Variants in HEPH observed in about 807,000 individuals in gnomAD.
HEPH encodes hephaestin.
A neutral mutation model predicts 80.8 loss-of-function variants in HEPH; 69 were observed. That is an observed-to-expected ratio of 0.85 (90% CI 0.70 to 1.04). The LOEUF is 1.04. HEPH is among the 50% of genes least tolerant of loss of function. The pLI is 0.00. For missense variants in HEPH, 1,115 were observed against 891.3 expected, an observed-to-expected ratio of 1.25 and a Z score of -3.20; for synonymous variants, 431 against 322.8, an observed-to-expected ratio of 1.34 and a Z score of -3.60.
intron 15 of HEPH, among the ~76,000 whole-genome samples, chrX:66,222,124 T>A (rs1352646030): frequency 8.9e-6 from 1 of 112,933 alleles, no homozygotes; most frequent in Non-Finnish European, 1.9e-5. Flanking sequence ...CTCTTGAAAA[T>A]GTTTAAGCTC....
At chrX:66,189,324 G>T (rs1185148127) in intron 5 of HEPH, among the ~76,000 whole-genome samples, 1 of 112,355 alleles carries the variant, frequency 8.9e-6, no homozygotes, top group Non-Finnish European at 1.9e-5. Flanking sequence ...GAAATTTTTA[G>T]AATGAAACCA....
intron 16 of HEPH, 67 bp from the exon 17 acceptor site, chrX:66,256,038 T>C (rs1049894937): frequency 1.8e-5 from 15 of 835,025 alleles, no homozygotes; most frequent in African/African-American, 8.2e-5. Context: ...GCTGGCTCCC[T>C]GCGGAGTACT....
intron 15 of HEPH, among the ~76,000 whole-genome samples, chrX:66,218,560 A>G (rs2089497101): frequency 8.9e-6 from 1 of 112,109 alleles, no homozygotes; most frequent in Non-Finnish European, 1.9e-5. Context: ...ATGTAGCAGG[A>G]CAAGCTACAG....
At chrX:66,177,572 G>A (rs757017123) in intron 4 of HEPH, among the ~76,000 whole-genome samples, 12 of 111,321 alleles carry the variant, frequency 1.1e-4, no homozygotes, top group Admixed American at 3.8e-4. Context: ...ATATCTTAAC[G>A]TTTCATTTCT....
intron 13 of HEPH, among the ~76,000 whole-genome samples, chrX:66,204,501 G>A (rs1429950331): frequency 2.7e-5 from 3 of 112,187 alleles, no homozygotes; most frequent in Non-Finnish European, 5.6e-5. Context: ...GATTTTTGAT[G>A]TTCAGATAGA....
chrX:66,233,619 T>A (rs1466114567), intron 15 of HEPH, among the ~76,000 whole-genome samples: 3 of 110,642 alleles, frequency 2.7e-5, no homozygotes, highest in African/African-American at 9.9e-5. Context: ...CATAAAAAAA[T>A]TTAAGTAACT....
intron 7 of HEPH, among the ~76,000 whole-genome samples, chrX:66,193,061 T>C (rs746321831): frequency 5.9e-4 from 66 of 111,100 alleles, no homozygotes; most frequent in Middle Eastern, 9.3e-3. Context: ...GCATGGATTC[T>C]ACGATTTCCA....
At chrX:66,242,351 A>G (rs1464578649) in intron 15 of HEPH, among the ~76,000 whole-genome samples, 2 of 111,815 alleles carry the variant, frequency 1.8e-5, no homozygotes, top group African/African-American at 6.5e-5. Context: ...TTCTTTAATC[A>G]TATACAAAAA....
rs73217443 is a variant in HEPH, at chrX:66,266,598, C to T, written c.3403C>T (p.Arg1135Ter). ...TGGTGGAGTGGTTTGGTACCAACAT[C>T]GACAGAGAAAGCTACGACGCAATAG... is the stretch of plus-strand genomic sequence containing the variant. The part of the protein sequence containing the change: ...ALGGVVWYQH[R>*]QRKLRRNRRS... The change falls in exon 21 of 21, where the codon CGA becomes TGA. Residue 1135 changes from arginine to a stop codon, truncating the protein, a stop_gained. Coordinates refer to ENST00000343002, the MANE Select transcript of HEPH (RefSeq NM_001367233.3). LOFTEE classifies it high-confidence loss of function. The T allele has an allele frequency of 2.5e-6, 3 of 1,207,756 alleles. No individual in the cohort carries two copies. Among genetic ancestry groups the T allele is most frequent in the African/African-American group, 3.5e-5 (2 of 56,622 alleles).
chrX:66,222,381 A>G (rs1198335774), intron 15 of HEPH, among the ~76,000 whole-genome samples: 1 of 112,504 alleles, frequency 8.9e-6, no homozygotes, highest in Non-Finnish European at 1.9e-5. Flanking sequence ...GAAAGGGGAC[A>G]ATCTGGGCCT....
intron 15 of HEPH, among the ~76,000 whole-genome samples, chrX:66,219,505 G>A (rs1280643859): frequency 4.5e-5 from 5 of 112,030 alleles, no homozygotes; most frequent in African/African-American, 1.6e-4. Context: ...GGCAAGAATA[G>A]TCAAGGCTCT....
chrX:66,236,743 G>T (rs908339297), intron 15 of HEPH, among the ~76,000 whole-genome samples: 20 of 110,978 alleles, frequency 1.8e-4, no homozygotes, highest in Admixed American at 5.8e-4. Flanking sequence ...CTGGTCCTGT[G>T]CTCTTTTTTT....
chrX:66,261,791 A>T (rs1180773711), intron 19 of HEPH, among the ~76,000 whole-genome samples: 2 of 112,066 alleles, frequency 1.8e-5, no homozygotes, highest in Non-Finnish European at 3.8e-5. Flanking sequence ...CTATCAACTA[A>T]TACTGCTAGA....
chrX:66,174,156 G>T (rs1441703323), intron 4 of HEPH, among the ~76,000 whole-genome samples: 2 of 109,055 alleles, frequency 1.8e-5, no homozygotes. Flanking sequence ...TTTATCCCTC[G>T]TGCCCCCCCA....
Position 66,266,878 on chromosome X carries a change from G to A in HEPH, c.*206G>A. 1.2e-5 allele frequency: 5 copies of A among 404,818 alleles called. No homozygotes were observed. The South Asian group carries it at 1.8e-4, about 15-fold the overall frequency. The allele number at this position is 404,818 out of a possible 1,213,427, so 33.4% of individuals were successfully genotyped here. A position where few individuals can be genotyped will look rare whatever the true frequency, so the allele number is the denominator to read the frequency against. ...TTTTTCTTTAGTTTCTTTGCTCTAC[G>A]TGGGCACCTGGCACTAAGGGAGTAC... is the stretch of plus-strand genomic sequence containing the variant. On this transcript the variant is annotated 3_prime_UTR_variant, in exon 21 of 21. Transcript: ENST00000343002.
chrX:66,229,043 A>G (rs952571340), intron 15 of HEPH, among the ~76,000 whole-genome samples: 1 of 112,323 alleles, frequency 8.9e-6, no homozygotes, highest in African/African-American at 3.2e-5. Context: ...CTACCCAGTG[A>G]AAAGAAGTCA....
intron 15 of HEPH, among the ~76,000 whole-genome samples, chrX:66,251,042 T>A (rs1176532821): frequency 9.0e-6 from 1 of 111,418 alleles, no homozygotes; most frequent in African/African-American, 3.3e-5. Context: ...CACCACCACA[T>A]TAAGCTAATT....
chrX:66,254,171 G>T (rs2091095847), intron 15 of HEPH, among the ~76,000 whole-genome samples: 1 of 111,373 alleles, frequency 9.0e-6, no homozygotes, highest in African/African-American at 3.3e-5. Flanking sequence ...CAAGGCTGGA[G>T]GCAGAGAAAC....
intron 2 of HEPH, 106 bp from the exon 3 acceptor site, chrX:66,172,249 G>T (rs1343354411): frequency 6.7e-6 from 5 of 745,206 alleles, no homozygotes; most frequent in Non-Finnish European, 5.7e-6. Flanking sequence ...CTCTTGTTTT[G>T]TCCTAAACAA....
Sources: gnomAD v4.1 joint callset for allele counts (sites outside exome capture counted in the v4.1 genomes callset) on GRCh38, gnomAD v4.1.1 for gene constraint, MANE v1.5 for transcripts, NCBI Gene and HGNC (gene_info 2026-07-23, HGNC 2026-07-21) for gene names.